The following RAB40B variants were observed in gnomAD, a reference collection of about 807,000 sequenced individuals.
RAB40B encodes the protein ras-related protein Rab-40B.
A neutral mutation model predicts 24.0 loss-of-function variants in RAB40B; 21 were observed. That is an observed-to-expected ratio of 0.88 (90% confidence interval 0.62 to 1.26). The LOEUF (loss-of-function observed/expected upper bound fraction) is 1.26, where lower values mean the gene tolerates loss of function less well. RAB40B is among the 50% of genes most tolerant of loss of function. RAB40B has a pLI of 0.00. For synonymous variants in RAB40B, 167 were observed against 169.8 expected (o/e 0.98, Z 0.13); for missense variants, 348 against 390.5 (o/e 0.89, Z 0.92).
In RAB40B at chr17:82,684,385, ATAAAGT is replaced by A. The variant is rs2046476355; in HGVS notation, c.142+14064_142+14069del. Among the ~76,000 whole-genome samples, 6 of 152,306 alleles carry A rather than the reference ATAAAGT, an allele frequency of 3.9e-5. No individual in the cohort carries two copies. The South Asian group carries it at 1.2e-3, about 32-fold the overall frequency. On this transcript the variant is annotated intron_variant, in intron 1 of 5. Coordinates refer to ENST00000571995, the MANE Select transcript of RAB40B (RefSeq NM_006822.3). ...GTGGAAAAGGGTTTGGCAGTTTCTTATAAAGTTAATCATTCATTTATCATATGACCT... is the reference window on the plus strand; with the variant it reads ...GTGGAAAAGGGTTTGGCAGTTTCTTATAATCATTCATTTATCATATGACCT...
chr17:82,670,477 G>A (rs1038292410), intron 1 of RAB40B, among the ~76,000 whole-genome samples: 4 of 151,354 alleles, frequency 2.6e-5, no homozygotes, highest in African/African-American at 9.7e-5. Context: ...GAGCCACCAC[G>A]CCCAGCCAAG....
chr17:82,683,805 C>CAAAAAAA (rs35145848), intron 1 of RAB40B, among the ~76,000 whole-genome samples: 1 of 90,798 alleles, frequency 1.1e-5, no homozygotes, highest in Non-Finnish European at 2.2e-5. Context: ...ACCCTGTTTC[C>CAAAAAAA]AAAAAAAAAA....
chr17:82,658,523 T>A lies in RAB40B; in HGVS notation c.533A>T (p.His178Leu). The change falls in exon 5 of 6, where the codon CAT (histidine) becomes CTT (leucine). Residue 178 changes from histidine (H) to leucine (L), a missense_variant. By Grantham distance (99) the His-to-Leu change is moderately conservative. This residue lies in a region of RAB40B where 126 missense variants were observed against 181.0 expected (regional missense o/e 0.70). Transcript: ENST00000571995. ...TELARIVLLR[H>L]GMDRLWRPSK... ...CGGCCGCCAGAGCCGGTCCATCCCATGCCGCAGCAGCACGATCCTGGCCAG... is the reference window on the plus strand; with the variant it reads ...CGGCCGCCAGAGCCGGTCCATCCCAAGCCGCAGCAGCACGATCCTGGCCAG... 6.2e-7 allele frequency: 1 copy of A among 1,613,008 alleles called. No individual in the cohort carries two copies.
intron 1 of RAB40B, among the ~76,000 whole-genome samples, chr17:82,683,203 A>C (rs1439432060): frequency 6.6e-6 from 1 of 152,218 alleles, no homozygotes; most frequent in African/African-American, 2.4e-5. Flanking sequence ...TCATAAATGT[A>C]AAATCTAAAA....
intron 2 of RAB40B, chr17:82,661,985 C>T (rs920555113): frequency 8.1e-6 from 8 of 985,212 alleles, no homozygotes; most frequent in Admixed American, 1.2e-4. Context: ...GGACAGCCAG[C>T]GCTGTTTCCC....
At chr17:82,691,365 A>C (rs1165395476) in intron 1 of RAB40B, among the ~76,000 whole-genome samples, 1 of 151,984 alleles carries the variant, frequency 6.6e-6, no homozygotes, top group Non-Finnish European at 1.5e-5. Context: ...GGTGTAGTTA[A>C]TCCACCCCCC....
intron 1 of RAB40B, among the ~76,000 whole-genome samples, chr17:82,672,724 G>C (rs2046354116): frequency 2.6e-5 from 4 of 152,146 alleles, no homozygotes; most frequent in Admixed American, 1.3e-4. Flanking sequence ...CTCAACCTTG[G>C]ACTTCCCAGC....
intron 1 of RAB40B, among the ~76,000 whole-genome samples, chr17:82,668,760 C>T (rs1310464651): frequency 6.6e-6 from 1 of 152,242 alleles, no homozygotes; most frequent in African/African-American, 2.4e-5. Context: ...CACAGAGACG[C>T]CCGCGTCTAG....
chr17:82,664,311 G>A (rs1319888810), intron 2 of RAB40B, among the ~76,000 whole-genome samples, 185 bp downstream of exon 2: 6 of 146,870 alleles, frequency 4.1e-5, no homozygotes, highest in Non-Finnish European at 6.0e-5. Context: ...GATGGTGGTG[G>A]GGCTGGTGGT....
rs1180576320 is a variant in RAB40B, at chr17:82,664,346, G to C, written c.203+150C>G. 1.4e-5 allele frequency: 10 copies of C among 715,044 alleles called. No homozygotes were observed. In the Admixed American group the frequency reaches 2.0e-4, roughly 15 times the overall value. 44.3% of individuals were successfully genotyped at this position (715,044 alleles called of 1,614,324 possible). A position where few individuals can be genotyped will look rare whatever the true frequency, so the allele number is the denominator to read the frequency against. On this transcript the variant is annotated intron_variant, in intron 2 of 5. Transcript: ENST00000571995. ...TGCTCCCCGGGGTGCTGTGCCGACG[G>C]TGGTGGTGGGAGGGTGTTCCCGGGG...
Position 82,663,407 on chromosome 17 carries a change from T to C in RAB40B, c.203+1089A>G, listed in dbSNP as rs1344182329. On this transcript the variant is annotated intron_variant, in intron 2 of 5. Coordinates refer to ENST00000571995, the MANE Select transcript of RAB40B (RefSeq NM_006822.3). This position sits in a 1 kb window ranked among gnomAD's most constrained non-coding sequence, Gnocchi z 6.2. ...GCCCAAGAGGGAGGCAGCCCCAGGA[T>C]GAGGCACCGCAGGAGCCCCCCATCC... is the stretch of plus-strand genomic sequence containing the variant. Among the ~76,000 whole-genome samples the C allele has an allele frequency of 2.0e-5, 3 of 151,918 alleles. No homozygotes were observed. Among genetic ancestry groups the C allele is most frequent in the Non-Finnish European group, 2.9e-5 (2 of 67,934 alleles).
At position 82,657,711 on chromosome 17, in the gene RAB40B, G is replaced by A. The variant is rs554086386; in HGVS notation, c.*152C>T. On this transcript the variant is annotated 3_prime_UTR_variant, in exon 6 of 6. Transcript: ENST00000571995. ...ACGTAGAAATTCGAAGTCCGACGGG[G>A]TAGTGTGTTTCCATCACACGGAAGG... is the stretch of plus-strand genomic sequence containing the variant. 2.1e-6 allele frequency: 2 copies of A among 945,054 alleles called. No individual in the cohort carries two copies. Among genetic ancestry groups the A allele is most frequent in the South Asian group, 2.6e-5 (2 of 77,082 alleles). The allele number at this position is 945,054 out of a possible 1,614,324, so 58.5% of individuals were successfully genotyped here. A position where few individuals can be genotyped will look rare whatever the true frequency, so the allele number is the denominator to read the frequency against.
At chr17:82,671,094 CAGA>C (rs1298292818) in intron 1 of RAB40B, among the ~76,000 whole-genome samples, 1 of 151,944 alleles carries the variant, frequency 6.6e-6, no homozygotes, top group Non-Finnish European at 1.5e-5. Flanking sequence ...CTTTCCACTA[CAGA>C]AGATGAAAAT....
At chr17:82,672,183 CAT>C (rs2046346350) in intron 1 of RAB40B, among the ~76,000 whole-genome samples, 1 of 151,642 alleles carries the variant, frequency 6.6e-6, no homozygotes, top group East Asian at 1.9e-4. Context: ...CACACACTCA[CAT>C]GCTCCCTGTA....
chr17:82,691,006 G>A (rs541602716), intron 1 of RAB40B, among the ~76,000 whole-genome samples: 14 of 152,278 alleles, frequency 9.2e-5, no homozygotes, highest in South Asian at 6.2e-4. Flanking sequence ...GCTCGTCTCC[G>A]GGAAGAAAAG....
chr17:82,680,110 C>G (rs147246318), intron 1 of RAB40B, among the ~76,000 whole-genome samples: 1 of 152,242 alleles, frequency 6.6e-6, no homozygotes. Flanking sequence ...CGGGCTGGCC[C>G]GTCCTGCTCA....
chr17:82,659,698 G>GTGC, intron 3 of RAB40B, 41 bp from the exon 4 acceptor site: 2 of 1,545,774 alleles, frequency 1.3e-6, no homozygotes, highest in Non-Finnish European at 1.8e-6. Context: ...GAACACAGAT[G>GTGC]CAGGCACAGC....
rs2046197254 is a variant in RAB40B, at chr17:82,663,166, G to A, written c.203+1330C>T. Among the ~76,000 whole-genome samples, 1 of 152,148 alleles carries A rather than the reference G, an allele frequency of 6.6e-6. No individual in the cohort carries two copies. Among genetic ancestry groups the A allele is most frequent in the South Asian group, 2.1e-4 (1 of 4,830 alleles). On this transcript the variant is annotated intron_variant, in intron 2 of 5. Transcript: ENST00000571995. This position sits in a 1 kb window ranked among gnomAD's most constrained non-coding sequence, Gnocchi z 6.2. ...CAGACTGGGCGGGAGGCCTGAAGCTGTGCAGCAGGAAGGGTCGGGGCGCTT... is the reference window on the plus strand; with the variant it reads ...CAGACTGGGCGGGAGGCCTGAAGCTATGCAGCAGGAAGGGTCGGGGCGCTT...
chr17:82,687,039 C>T (rs1227022847), intron 1 of RAB40B, among the ~76,000 whole-genome samples: 2 of 152,152 alleles, frequency 1.3e-5, no homozygotes, highest in Non-Finnish European at 2.9e-5. Flanking sequence ...GAAGGGTGCT[C>T]AGAGGTCAAG....
Sources: allele counts gnomAD v4.1 joint callset (sites outside exome capture counted in the v4.1 genomes callset), GRCh38; gene constraint gnomAD v4.1.1; regional missense constraint gnomAD v4.1.1; non-coding constraint Gnocchi (gnomAD v3.1); transcripts MANE v1.5; gene names NCBI Gene and HGNC (gene_info 2026-07-23, HGNC 2026-07-21).